GRM7: variants seen among roughly 807,000 people sequenced by gnomAD.
The protein encoded by GRM7 is metabotropic glutamate receptor 7.
A neutral mutation model predicts 84.5 loss-of-function variants in GRM7; 35 were observed. The observed-to-expected ratio is 0.41, with a 90% CI of 0.32 to 0.55. The LOEUF is 0.55. GRM7 is among the 20% of genes least tolerant of loss of function. The pLI is 0.19. For synonymous variants in GRM7, 487 were observed against 455.1 expected (o/e 1.07, Z -0.89); for missense variants, 1,003 against 1,194.6 (o/e 0.84, Z 2.36).
At chr3:7,738,904 C>T (rs540017437) in intron 9 of GRM7, among the ~76,000 whole-genome samples, 7 of 152,134 alleles carry the variant, frequency 4.6e-5, no homozygotes, top group East Asian at 1.9e-4. Flanking sequence ...CCAAACCAAG[C>T]GTATTGTTGA....
At chr3:7,224,786 G>C (rs1696928827) in intron 2 of GRM7, among the ~76,000 whole-genome samples, 1 of 152,150 alleles carries the variant, frequency 6.6e-6, no homozygotes, top group African/African-American at 2.4e-5. Flanking sequence ...TGACAGAATT[G>C]TGGATGTGTC....
chr3:7,360,880 GTCC>G (rs1206675572), intron 4 of GRM7, among the ~76,000 whole-genome samples: 1 of 151,686 alleles, frequency 6.6e-6, no homozygotes, highest in East Asian at 1.9e-4. Context: ...TTTTTTTCCT[GTCC>G]CATGAAATCT....
In GRM7 at chr3:6,861,397, G is replaced by A; in HGVS notation, c.9G>A (p.Gln3=). The A allele has an allele frequency of 6.3e-7, 1 of 1,575,810 alleles. No homozygotes were observed. Residue 3 remains glutamine, a synonymous_variant, in exon 1 of 10, where the codon CAG becomes CAA. Coordinates refer to ENST00000357716, the MANE Select transcript of GRM7 (RefSeq NM_000844.4). This position sits in a 1 kb window ranked among gnomAD's most constrained non-coding sequence, Gnocchi z 6.4. ...GCAGCAGCCGGAGCAGCATGGTCCA[G>A]CTGAGGAAGCTGCTCCGCGTCCTGA... MV[Q]LRKLLRVLTL...
intron 1 of GRM7, among the ~76,000 whole-genome samples, chr3:7,062,263 C>T (rs1499146): frequency 7.9e-5 from 12 of 151,424 alleles, no homozygotes; most frequent in East Asian, 2.0e-4. Flanking sequence ...GTGAATGGAA[C>T]GGATAAAGCA....
intron 8 of GRM7, among the ~76,000 whole-genome samples, chr3:7,626,273 G>C (rs531618170): frequency 6.6e-6 from 1 of 152,246 alleles, no homozygotes; most frequent in South Asian, 2.1e-4. Context: ...AGAAATAGCA[G>C]TTCTATGGAG....
At chr3:6,891,371 C>G (rs1168519937) in intron 1 of GRM7, among the ~76,000 whole-genome samples, 5 of 152,106 alleles carry the variant, frequency 3.3e-5, no homozygotes, top group Non-Finnish European at 5.9e-5. Flanking sequence ...TGGCTGGTAC[C>G]GGTTGTTGCT....
intron 2 of GRM7, among the ~76,000 whole-genome samples, chr3:7,190,588 G>T (rs1366434277): frequency 6.6e-6 from 1 of 151,988 alleles, no homozygotes; most frequent in Non-Finnish European, 1.5e-5. Context: ...TACTAACGAG[G>T]TGCTTTGCTT....
At chr3:7,629,267 T>C (rs773500688) in intron 8 of GRM7, among the ~76,000 whole-genome samples, 3 of 152,182 alleles carry the variant, frequency 2.0e-5, no homozygotes, top group African/African-American at 4.8e-5. Flanking sequence ...TAGAGTTGTA[T>C]ATTAGTCAGC....
intron 4 of GRM7, among the ~76,000 whole-genome samples, chr3:7,368,461 G>A (rs150648130): frequency 5.8e-4 from 89 of 152,154 alleles, no homozygotes; most frequent in Middle Eastern, 6.8e-3. Flanking sequence ...TAATTTCATT[G>A]ATGGTAATGG....
At chr3:7,021,974 G>T (rs2124913045) in intron 1 of GRM7, among the ~76,000 whole-genome samples, 1 of 152,186 alleles carries the variant, frequency 6.6e-6, no homozygotes, top group African/African-American at 2.4e-5. Flanking sequence ...CACACAGTAT[G>T]AACTGCATAA....
chr3:7,073,330 GC>G (rs1697951642), intron 1 of GRM7, among the ~76,000 whole-genome samples: 1 of 151,890 alleles, frequency 6.6e-6, no homozygotes, highest in African/African-American at 2.4e-5. Flanking sequence ...GATGTGATTA[GC>G]TAATGGCACT....
chr3:7,398,567 C>T (rs1453829347), intron 4 of GRM7, among the ~76,000 whole-genome samples: 1 of 151,658 alleles, frequency 6.6e-6, no homozygotes, highest in Non-Finnish European at 1.5e-5. Flanking sequence ...ATTTTAAAGG[C>T]AATTGGAGAA....
chr3:7,387,798 G>A lies in GRM7; in HGVS notation c.1034-27225G>A, dbSNP rs528477146. Among the ~76,000 whole-genome samples the A allele has an allele frequency of 3.3e-5, 5 of 151,982 alleles. No homozygotes were observed. The South Asian group carries it at 1.0e-3, about 32-fold the overall frequency. ...CTTTTTTGGTTTTATATGAATTTTAGGATAGTTTTTTTCCTAATTCTGTGA... is the reference window on the plus strand; with the variant it reads ...CTTTTTTGGTTTTATATGAATTTTAAGATAGTTTTTTTCCTAATTCTGTGA... On this transcript the variant is annotated intron_variant, in intron 4 of 9. Coordinates refer to ENST00000357716, the MANE Select transcript of GRM7 (RefSeq NM_000844.4).
Position 7,513,408 on chromosome 3 carries a change from T to C in GRM7, c.1515+51686T>C, listed in dbSNP as rs566307998. On this transcript the variant is annotated intron_variant, in intron 7 of 9. Coordinates refer to ENST00000357716, the MANE Select transcript of GRM7 (RefSeq NM_000844.4). ...TACCAAGATAAAACCTTTTTTTTTC[T>C]GTTTTTTTCTTTTCTATCTATTATG... is the stretch of plus-strand genomic sequence containing the variant. 5.3e-5 allele frequency among the ~76,000 whole-genome samples: 8 copies of C among 152,260 alleles called. No individual in the cohort carries two copies. The South Asian group carries it at 1.7e-3, about 32-fold the overall frequency.
rs1693966281 is a variant in GRM7 at position 6,975,755 on chromosome 3, A to AG, written c.519+113849dup. 3.9e-5 allele frequency among the ~76,000 whole-genome samples: 6 copies of AG among 152,244 alleles called. No homozygotes were observed. The South Asian group carries it at 1.2e-3, about 32-fold the overall frequency. The stretch of plus-strand genomic sequence containing the variant: ...TTAAGCCTGGCTGATCTGATTAGGA[A>AG]GAAGGTTCACAACCCACAAATAGGA... On this transcript the variant is annotated intron_variant, in intron 1 of 9. Coordinates refer to ENST00000357716, the MANE Select transcript of GRM7 (RefSeq NM_000844.4).
Position 7,663,671 on chromosome 3 carries a change from A to T in GRM7, c.2452-16378A>T, listed in dbSNP as rs1015306966. ...TTTCAAAATTCTAATTTTCTTCAGC[A>T]TGTGTCTTAACTTTCTTCAATTCAT... is the stretch of plus-strand genomic sequence containing the variant. On this transcript the variant is annotated intron_variant, in intron 8 of 9. Coordinates refer to ENST00000357716, the MANE Select transcript of GRM7 (RefSeq NM_000844.4). 2.0e-5 allele frequency among the ~76,000 whole-genome samples: 3 copies of T among 152,214 alleles called. No individual in the cohort carries two copies. In the East Asian group the frequency reaches 5.8e-4, roughly 29 times the overall value.
At chr3:7,711,448 A>C (rs1701573507) in intron 9 of GRM7, among the ~76,000 whole-genome samples, 2 of 152,176 alleles carry the variant, frequency 1.3e-5, no homozygotes, top group Admixed American at 1.3e-4. Context: ...ATGAGGTCAG[A>C]ATTGCAGTTA....
intron 1 of GRM7, among the ~76,000 whole-genome samples, chr3:6,958,097 A>T (rs77415419): frequency 6.8e-6 from 1 of 146,224 alleles, no homozygotes; most frequent in African/African-American, 2.5e-5. Flanking sequence ...GTGTGTGTGT[A>T]TATATATATA....
At chr3:6,923,945 A>G (rs996668878) in intron 1 of GRM7, among the ~76,000 whole-genome samples, 1 of 152,182 alleles carries the variant, frequency 6.6e-6, no homozygotes, top group African/African-American at 2.4e-5. Flanking sequence ...ACTCATGACA[A>G]TAGTGTCAGT....
Sources: gnomAD v4.1 joint callset for allele counts (sites outside exome capture counted in the v4.1 genomes callset) on GRCh38, gnomAD v4.1.1 for gene constraint, Gnocchi (gnomAD v3.1) non-coding constraint, MANE v1.5 for transcripts, NCBI Gene and HGNC (gene_info 2026-07-23, HGNC 2026-07-21) for gene names.